Variants in WWOX observed in about 807,000 individuals in gnomAD.
WWOX encodes WW domain-containing oxidoreductase.
Under a neutral mutation model 46.2 loss-of-function variants are expected in WWOX, and 69 were observed. The ratio of observed to expected loss-of-function variants is 1.49; its 90% CI spans 1.23 to 1.82. WWOX has a LOEUF of 1.82. WWOX is among the 40% of genes most tolerant of loss of function. WWOX has a pLI of 0.00. For synonymous variants in WWOX, 359 were observed against 202.6 expected (o/e 1.77, Z -6.56); for missense variants, 919 against 542.6 (o/e 1.69, Z -6.89).
chr16:79,070,572 C>T (rs149015750), intron 8 of WWOX, among the ~76,000 whole-genome samples: 75 of 152,174 alleles, frequency 4.9e-4, no homozygotes, highest in African/African-American at 1.7e-3. Flanking sequence ...GTGAGGCAGA[C>T]GGGCAGTCAG....
At chr16:78,485,668 A>C (rs572820828) in intron 8 of WWOX, among the ~76,000 whole-genome samples, 11 of 152,334 alleles carry the variant, frequency 7.2e-5, no homozygotes, top group Admixed American at 7.2e-4. Context: ...ATCTGCTCAC[A>C]AGTGAGCAAT....
chr16:78,748,537 C>G (rs2049402628), intron 8 of WWOX, among the ~76,000 whole-genome samples: 1 of 152,154 alleles, frequency 6.6e-6, no homozygotes, highest in African/African-American at 2.4e-5. Flanking sequence ...ATCTTGGCAG[C>G]AAGCCTGCTT....
intron 8 of WWOX, among the ~76,000 whole-genome samples, chr16:78,633,314 T>A (rs1294370393): frequency 6.6e-6 from 1 of 152,092 alleles, no homozygotes; most frequent in Admixed American, 6.5e-5. Context: ...AGCATAAGTA[T>A]CTTCTATGGG....
intron 8 of WWOX, among the ~76,000 whole-genome samples, chr16:79,209,923 C>A (rs572548664): frequency 1.3e-5 from 2 of 152,276 alleles, no homozygotes; most frequent in South Asian, 4.2e-4. Context: ...TTGAGCCACA[C>A]AAATCAATGG....
At chr16:78,424,107 C>CTTTTTTTTTTTTTTTTTTTT (rs199817825) in intron 6 of WWOX, among the ~76,000 whole-genome samples, 9 of 102,118 alleles carry the variant, frequency 8.8e-5, no homozygotes, top group Non-Finnish European at 1.2e-4. Context: ...CTTTTCTTTT[C>CTTTTTTTTTTTTTTTTTTTT]TTTTTTTTTT....
At chr16:78,578,994 A>G (rs1012657823) in intron 8 of WWOX, among the ~76,000 whole-genome samples, 1 of 152,196 alleles carries the variant, frequency 6.6e-6, no homozygotes. Context: ...AGGCAGTAAC[A>G]TTAGTATTAC....
chr16:78,427,415 G>T (rs938670935), intron 7 of WWOX, among the ~76,000 whole-genome samples: 9 of 152,208 alleles, frequency 5.9e-5, no homozygotes, highest in African/African-American at 1.7e-4. Flanking sequence ...AAAAATTTCA[G>T]ATAACAATTA....
chr16:78,988,847 T>C (rs1038641260), intron 8 of WWOX, among the ~76,000 whole-genome samples: 1 of 152,142 alleles, frequency 6.6e-6, no homozygotes, highest in Admixed American at 6.5e-5. Flanking sequence ...GGCCAGCATG[T>C]TGCTGCGAGC....
At chr16:78,753,425 A>T (rs1336787120) in intron 8 of WWOX, among the ~76,000 whole-genome samples, 2 of 152,108 alleles carry the variant, frequency 1.3e-5, no homozygotes, top group Admixed American at 6.5e-5. Flanking sequence ...AGGACCAGTC[A>T]CCCCTGTGTC....
chr16:78,309,300 T>G lies in WWOX; in HGVS notation c.517-77560T>G, dbSNP rs117470830. 1.2e-3 allele frequency among the ~76,000 whole-genome samples: 188 copies of G among 152,348 alleles called. 2 individuals carry two copies. The East Asian group carries it at 0.027, about 22-fold the overall frequency. ...GTTCATTCTGCTTCCTGCCGCTTTGTGAACCTGGTGCTTTGCTTCCACTCT... is the reference window on the plus strand; with the variant it reads ...GTTCATTCTGCTTCCTGCCGCTTTGGGAACCTGGTGCTTTGCTTCCACTCT... On this transcript the variant is annotated intron_variant, in intron 5 of 8. Transcript: ENST00000566780.
intron 8 of WWOX, among the ~76,000 whole-genome samples, chr16:78,652,420 AAAAAAAAAAAAG>A (rs1469118516): frequency 6.7e-6 from 1 of 150,036 alleles, no homozygotes; most frequent in Non-Finnish European, 1.5e-5. Context: ...AAAAAAAAAA[AAAAAAAAAAAAG>A]AAAAAGAAAA....
rs116774075 is a variant in WWOX at position 79,008,072 on chromosome 16, C to T, written c.1057-203536C>T. Reference sequence around the variant, plus strand: ...ATGAGGCTGAAATCAAAGCGTCAGCCAGGGATGGGGTCTTATCAGAGGCCC... The same window carrying T: ...ATGAGGCTGAAATCAAAGCGTCAGCTAGGGATGGGGTCTTATCAGAGGCCC... On this transcript the variant is annotated intron_variant, in intron 8 of 8. Transcript: ENST00000566780. Among the ~76,000 whole-genome samples, 379 of 152,294 alleles carry T rather than the reference C, an allele frequency of 2.5e-3. 3 individuals are homozygous for T. Among genetic ancestry groups the T allele is most frequent in the African/African-American group, 8.5e-3 (355 of 41,574 alleles).
intron 5 of WWOX, among the ~76,000 whole-genome samples, chr16:78,261,799 T>TCTATCTATCTATCTAG (rs1454295459): frequency 0.041 from 2,875 of 70,628 alleles, 57 homozygotes; most frequent in African/African-American, 0.089. Flanking sequence ...TATATATATA[T>TCTATCTATCTATCTAG]ATATATATAT....
chr16:78,943,925 C>G (rs1036021825), intron 8 of WWOX, among the ~76,000 whole-genome samples: 3 of 152,204 alleles, frequency 2.0e-5, no homozygotes, highest in African/African-American at 7.2e-5. Context: ...TCCTGCTACC[C>G]AAGGCCTCCA....
At chr16:78,242,730 G>A (rs1327015071) in intron 5 of WWOX, among the ~76,000 whole-genome samples, 4 of 152,106 alleles carry the variant, frequency 2.6e-5, no homozygotes, top group East Asian at 1.9e-4. Context: ...AAAGCCAGCC[G>A]GGCACAGTGG....
At chr16:78,689,342 C>G (rs1007251678) in intron 8 of WWOX, among the ~76,000 whole-genome samples, 1 of 152,214 alleles carries the variant, frequency 6.6e-6, no homozygotes, top group Non-Finnish European at 1.5e-5. Context: ...TCTCTAAACA[C>G]CCCAGACATC....
chr16:78,171,224 C>G (rs1004483613), intron 5 of WWOX, among the ~76,000 whole-genome samples: 2 of 152,134 alleles, frequency 1.3e-5, no homozygotes, highest in African/African-American at 4.8e-5. Context: ...CTGCCGCATC[C>G]TGTGTTTTCA....
chr16:79,049,834 CA>C (rs34371278), intron 8 of WWOX, among the ~76,000 whole-genome samples: 1,042 of 78,684 alleles, frequency 0.013, 3 homozygotes, highest in South Asian at 0.037. Context: ...GACTCTGTCT[CA>C]AAAAAAAAAA....
At chr16:78,910,409 C>A (rs117513449) in intron 8 of WWOX, among the ~76,000 whole-genome samples, 7 of 151,924 alleles carry the variant, frequency 4.6e-5, no homozygotes, top group Non-Finnish European at 8.8e-5. Flanking sequence ...ATCAAGTCAC[C>A]GTGTTATGGG....
Sources: allele counts gnomAD v4.1 joint callset (sites outside exome capture counted in the v4.1 genomes callset), GRCh38; gene constraint gnomAD v4.1.1; transcripts MANE v1.5; gene names NCBI Gene and HGNC (gene_info 2026-07-23, HGNC 2026-07-21).